Variants in FGF14 observed in about 807,000 individuals in gnomAD.
The protein encoded by FGF14 is fibroblast growth factor homologous factor 4.
Under a neutral mutation model 25.5 loss-of-function variants are expected in FGF14, and 5 were observed. The observed-to-expected ratio is 0.20, with a 90% CI of 0.10 to 0.41. FGF14 has a LOEUF of 0.41. Among genes scored for constraint, FGF14 ranks in the 10% least tolerant of loss-of-function variants. FGF14 has a pLI of 1.00. For missense variants in FGF14, 222 were observed against 320.1 expected, an observed-to-expected ratio of 0.69 and a Z score of 2.34; for synonymous variants, 138 against 118.3, an observed-to-expected ratio of 1.17 and a Z score of -1.08.
chr13:102,331,029 G>T (rs772191837), intron 1 of FGF14, among the ~76,000 whole-genome samples: 24 of 152,190 alleles, frequency 1.6e-4, no homozygotes, highest in Non-Finnish European at 2.9e-4. Context: ...CATTTGAACA[G>T]CAACTTTGGT....
intron 3 of FGF14, among the ~76,000 whole-genome samples, chr13:101,857,238 G>A (rs1406820857): frequency 6.6e-6 from 1 of 151,906 alleles, no homozygotes; most frequent in Non-Finnish European, 1.5e-5. Flanking sequence ...CAGGATGAAT[G>A]CCCAAATAAA....
At chr13:101,870,817 G>T (rs113357876) in intron 2 of FGF14, among the ~76,000 whole-genome samples, 1 of 152,120 alleles carries the variant, frequency 6.6e-6, no homozygotes. Flanking sequence ...GCCAGGCGTG[G>T]TGGGGCATGC....
chr13:101,974,338 G>T (rs563917716), intron 1 of FGF14, among the ~76,000 whole-genome samples: 12 of 152,204 alleles, frequency 7.9e-5, no homozygotes, highest in African/African-American at 2.2e-4. Flanking sequence ...AACGTTCAAG[G>T]TCACACAGCT....
intron 1 of FGF14, among the ~76,000 whole-genome samples, chr13:102,032,277 C>T (rs548957568): frequency 1.3e-5 from 2 of 152,128 alleles, no homozygotes; most frequent in Admixed American, 6.5e-5. Context: ...CAGCCTCTTC[C>T]TTCTCCCACT....
intron 1 of FGF14, among the ~76,000 whole-genome samples, chr13:102,046,483 G>C (rs1337205487): frequency 2.0e-5 from 3 of 152,118 alleles, no homozygotes; most frequent in Admixed American, 2.0e-4. Context: ...GGAGTATGAT[G>C]TTGCGTCAAA....
At chr13:102,206,032 A>G (rs2049903040) in intron 1 of FGF14, among the ~76,000 whole-genome samples, 1 of 123,054 alleles carries the variant, frequency 8.1e-6, no homozygotes, top group African/African-American at 3.2e-5. Flanking sequence ...AAAAAAAAAA[A>G]AAGCATTAGA....
At chr13:102,305,018 A>C (rs995147739) in intron 1 of FGF14, among the ~76,000 whole-genome samples, 1 of 152,198 alleles carries the variant, frequency 6.6e-6, no homozygotes, top group Non-Finnish European at 1.5e-5. Context: ...AAAATAACTA[A>C]AACAGTGTGC....
intron 3 of FGF14, among the ~76,000 whole-genome samples, chr13:101,859,340 C>T (rs968653032): frequency 6.6e-5 from 10 of 152,120 alleles, no homozygotes; most frequent in African/African-American, 2.2e-4. Flanking sequence ...TCTTAGAATT[C>T]ATCTAGTCAA....
intron 1 of FGF14, among the ~76,000 whole-genome samples, chr13:102,120,734 C>T (rs1422510826): frequency 6.9e-6 from 1 of 145,448 alleles, no homozygotes; most frequent in Admixed American, 6.9e-5. Context: ...GACAGAGTCT[C>T]CTTTTGCCGC....
intron 1 of FGF14, among the ~76,000 whole-genome samples, chr13:102,079,715 C>G (rs1388124157): frequency 2.0e-5 from 3 of 152,158 alleles, no homozygotes; most frequent in African/African-American, 7.2e-5. Context: ...CTGTACATCA[C>G]AAATACTATA....
intron 3 of FGF14, among the ~76,000 whole-genome samples, chr13:101,809,256 C>G (rs2140171994): frequency 6.6e-6 from 1 of 152,168 alleles, no homozygotes; most frequent in East Asian, 1.9e-4. Context: ...AAGAACTTAA[C>G]TTGGATTCTA....
intron 1 of FGF14, among the ~76,000 whole-genome samples, chr13:102,156,903 C>T (rs1001157806): frequency 6.6e-6 from 1 of 152,174 alleles, no homozygotes; most frequent in Non-Finnish European, 1.5e-5. Flanking sequence ...AACTCCCATT[C>T]ACAACTGCTT....
At chr13:102,100,200 C>G (rs1283572597) in intron 1 of FGF14, among the ~76,000 whole-genome samples, 1 of 152,038 alleles carries the variant, frequency 6.6e-6, no homozygotes, top group Non-Finnish European at 1.5e-5. Context: ...GAGACCTAGC[C>G]ATGAAAGCAG....
chr13:101,896,380 C>G (rs1206062659), intron 1 of FGF14, among the ~76,000 whole-genome samples: 1 of 152,074 alleles, frequency 6.6e-6, no homozygotes, highest in Non-Finnish European at 1.5e-5. Context: ...GCCCCCCACT[C>G]TGTACATTTC....
intron 1 of FGF14, among the ~76,000 whole-genome samples, chr13:102,097,357 A>G (rs1490331265): frequency 6.6e-6 from 1 of 152,204 alleles, no homozygotes; most frequent in Non-Finnish European, 1.5e-5. Context: ...CAGCGTTAGA[A>G]ATATACTATC....
chr13:102,261,283 G>A (rs2052703364), intron 1 of FGF14, among the ~76,000 whole-genome samples: 1 of 152,146 alleles, frequency 6.6e-6, no homozygotes, highest in African/African-American at 2.4e-5. Flanking sequence ...TAGCTTCTTG[G>A]CTGTTACAAT....
intron 3 of FGF14, among the ~76,000 whole-genome samples, chr13:101,846,327 A>G (rs993452305): frequency 2.0e-5 from 3 of 151,990 alleles, no homozygotes; most frequent in Non-Finnish European, 4.4e-5. Flanking sequence ...AAAAATCATC[A>G]GCCTTTATGA....
intron 1 of FGF14, among the ~76,000 whole-genome samples, chr13:102,158,862 G>T (rs1237731486): frequency 6.6e-6 from 1 of 152,118 alleles, no homozygotes; most frequent in Non-Finnish European, 1.5e-5. Context: ...CATTCGGCCA[G>T]GTGCAGTGGC....
chr13:101,740,559 A>T (rs562507646), intron 3 of FGF14, among the ~76,000 whole-genome samples: 1 of 152,266 alleles, frequency 6.6e-6, no homozygotes, highest in African/African-American at 2.4e-5. Flanking sequence ...GAGGGAACAG[A>T]GTGTCAAGCA....
Sources: allele counts gnomAD v4.1 joint callset (sites outside exome capture counted in the v4.1 genomes callset), GRCh38; gene constraint gnomAD v4.1.1; transcripts MANE v1.5; gene names NCBI Gene and HGNC (gene_info 2026-07-23, HGNC 2026-07-21).